Variants in TMEM181 observed in about 807,000 individuals in gnomAD.
TMEM181 encodes the protein transmembrane protein 181, also known as G protein-coupled receptor 178.
In TMEM181, 39 loss-of-function variants were observed where a neutral mutation model predicts 71.9. The observed-to-expected ratio is 0.54, with a 90% CI of 0.42 to 0.71. TMEM181 has a LOEUF of 0.71. Ranked by LOEUF, TMEM181 falls within the 30% of genes least tolerant of loss-of-function variation. The pLI is 0.00. For missense variants in TMEM181, 595 were observed against 583.0 expected, an observed-to-expected ratio of 1.02 and a Z score of -0.21; for synonymous variants, 245 against 228.8, an observed-to-expected ratio of 1.07 and a Z score of -0.64.
chr6:158,552,400 A>G (rs1382153489), intron 1 of TMEM181, among the ~76,000 whole-genome samples: 7 of 152,246 alleles, frequency 4.6e-5, no homozygotes, highest in African/African-American at 7.2e-5. Flanking sequence ...AGTATACACT[A>G]TATCACAGAG....
At chr6:158,555,205 T>C (rs1411690346), upstream of TMEM181, among the ~76,000 whole-genome samples, 1 of 152,232 alleles carries the variant, frequency 6.6e-6, no homozygotes, top group African/African-American at 2.4e-5. Context: ...TTTTGGCCCC[T>C]GTGTGGCAGA....
At chr6:158,593,076 C>T (rs1043481760) in intron 6 of TMEM181, among the ~76,000 whole-genome samples, 11 of 152,146 alleles carry the variant, frequency 7.2e-5, no homozygotes, top group African/African-American at 2.4e-4. Flanking sequence ...CTTCCATGTT[C>T]TTTTTGACTT....
intron 6 of TMEM181, among the ~76,000 whole-genome samples, chr6:158,601,707 C>T (rs376008860): frequency 3.3e-5 from 5 of 149,724 alleles, no homozygotes; most frequent in Non-Finnish European, 5.9e-5. Context: ...TGCAGTGAGC[C>T]GAGATCCCGC....
In TMEM181 at chr6:158,623,613, G is replaced by A; in HGVS notation, c.954+6G>A. 6.4e-7 allele frequency: 1 copy of A among 1,570,234 alleles called. No homozygotes were observed. Among genetic ancestry groups the A allele is most frequent in the Non-Finnish European group, 8.7e-7 (1 of 1,152,874 alleles). On this transcript the variant is annotated splice_donor_region_variant and intron_variant, in intron 11 of 16. Coordinates refer to ENST00000684151, the MANE Select transcript of TMEM181 (RefSeq NM_001376852.1). ...TTGATACCGGAAATTTTCAGGTAAG[G>A]ATTGTTAATGAGGCCTGCAATTTTT...
At position 158,634,046 on chromosome 6, in the gene TMEM181, T is replaced by A. The variant is rs11543927; in HGVS notation, c.*2158T>A. 74 of 152,354 alleles carry A rather than the reference T, an allele frequency of 4.9e-4. No homozygotes were observed. Among genetic ancestry groups the A allele is most frequent in the African/African-American group, 1.5e-3 (62 of 41,594 alleles). 9.4% of individuals were successfully genotyped at this position (152,354 alleles called of 1,614,324 possible). On this transcript the variant is annotated 3_prime_UTR_variant, in exon 17 of 17. Transcript: ENST00000684151. The stretch of plus-strand genomic sequence containing the variant: ...AACTTTTTAAAACTTTGTCCTATAG[T>A]GTAATTATAAACTGATGACTATTAT...
chr6:158,629,657 G>A, intron 14 of TMEM181, 73 bp from the exon 15 acceptor site: 3 of 1,285,178 alleles, frequency 2.3e-6, no homozygotes, highest in Non-Finnish European at 3.2e-6. Context: ...ATGGCGGGAG[G>A]AGTGGTCGGG....
At chr6:158,589,549 G>C in intron 5 of TMEM181, 123 bp from the exon 6 acceptor site, 1 of 685,272 alleles carries the variant, frequency 1.5e-6, no homozygotes, top group Non-Finnish European at 2.6e-6. Context: ...CTGGGCTTTT[G>C]GCGAGTTCCC....
At chr6:158,580,635 T>C (rs528783588) in intron 2 of TMEM181, among the ~76,000 whole-genome samples, 237 of 152,342 alleles carry the variant, frequency 1.6e-3, no homozygotes, top group Middle Eastern at 6.8e-3. Flanking sequence ...CTTGGGCCCA[T>C]GCATGTAGAG....
intron 1 of TMEM181, among the ~76,000 whole-genome samples, chr6:158,565,665 G>A (rs1042690239): frequency 2.9e-4 from 44 of 152,208 alleles, no homozygotes; most frequent in Non-Finnish European, 1.0e-4. Context: ...GAGAGGCATC[G>A]AAAGTTACTG....
intron 1 of TMEM181, among the ~76,000 whole-genome samples, chr6:158,548,015 C>T (rs1781591517): frequency 6.6e-6 from 1 of 151,802 alleles, no homozygotes; most frequent in Non-Finnish European, 1.5e-5. Flanking sequence ...TGCTGACTGA[C>T]ATGGGGGCTC....
intron 14 of TMEM181, among the ~76,000 whole-genome samples, 187 bp downstream of exon 14, chr6:158,628,677 CCCT>C (rs1181171067): frequency 6.6e-6 from 1 of 152,218 alleles, no homozygotes; most frequent in Non-Finnish European, 1.5e-5. Flanking sequence ...GGCAGCCTGT[CCCT>C]CCTCTGTACA....
At chr6:158,536,744 G>C (rs1554299750) in exon 1 of TMEM181, 1 of 1,577,744 alleles carries the variant, frequency 6.3e-7, no homozygotes, top group Non-Finnish European at 8.6e-7. Context: ...CATGGACGCC[G>C]AGTACCCTGC....
intron 1 of TMEM181, among the ~76,000 whole-genome samples, chr6:158,570,534 C>T (rs962830304): frequency 1.3e-5 from 2 of 152,092 alleles, no homozygotes; most frequent in Non-Finnish European, 2.9e-5. Context: ...AGCCACTGCG[C>T]CCGGCCCCGT....
intron 6 of TMEM181, among the ~76,000 whole-genome samples, chr6:158,600,018 C>T (rs549681386): frequency 3.9e-5 from 6 of 152,272 alleles, no homozygotes; most frequent in South Asian, 4.1e-4. Context: ...GTGATGAAGG[C>T]GCCGCGTGCC....
chr6:158,615,946 A>C (rs1237381722), intron 10 of TMEM181, among the ~76,000 whole-genome samples: 1 of 152,220 alleles, frequency 6.6e-6, no homozygotes, highest in Admixed American at 6.5e-5. Flanking sequence ...CTTTTTGCTT[A>C]GGATTGTCTT....
chr6:158,621,368 A>G, intron 10 of TMEM181: 1 of 185,524 alleles, frequency 5.4e-6, no homozygotes, highest in East Asian at 1.4e-4. Context: ...TTTGTCCAAG[A>G]TGAAGGTGCT....
At chr6:158,542,009 G>A (rs1781370337) in intron 1 of TMEM181, among the ~76,000 whole-genome samples, 2 of 148,102 alleles carry the variant, frequency 1.4e-5, no homozygotes, top group Admixed American at 1.4e-4. Context: ...GGGTTCAAGC[G>A]ATTCTCCTGG....
intron 1 of TMEM181, among the ~76,000 whole-genome samples, chr6:158,563,907 A>G (rs903588658): frequency 2.6e-5 from 4 of 152,078 alleles, no homozygotes; most frequent in African/African-American, 7.2e-5. Context: ...TCAGCCTCCC[A>G]AGAAGCTGGA....
chr6:158,561,490 C>T (rs1183386368), intron 1 of TMEM181, among the ~76,000 whole-genome samples: 1 of 152,176 alleles, frequency 6.6e-6, no homozygotes, highest in East Asian at 1.9e-4. Context: ...AGCAGAGTGA[C>T]AGCTGCGTGT....
Sources: allele counts gnomAD v4.1 joint callset (sites outside exome capture counted in the v4.1 genomes callset), GRCh38; gene constraint gnomAD v4.1.1; transcripts MANE v1.5; gene names NCBI Gene and HGNC (gene_info 2026-07-23, HGNC 2026-07-21).